The following DMTF1 variants were observed in gnomAD, a reference collection of about 807,000 sequenced individuals.
DMTF1 encodes cyclin-D-binding Myb-like transcription factor 1.
In DMTF1, 39 loss-of-function variants were observed where a neutral mutation model predicts 91.1. The ratio of observed to expected loss-of-function variants is 0.43; its 90% confidence interval spans 0.33 to 0.56. The LOEUF is 0.56. Ranked by LOEUF, DMTF1 falls within the 20% of genes least tolerant of loss-of-function variation. The pLI, the probability that DMTF1 is intolerant of heterozygous loss-of-function variation, is 0.05. For synonymous variants in DMTF1, 338 were observed against 309.5 expected (o/e 1.09, Z -0.97); for missense variants, 750 against 914.5 (o/e 0.82, Z 2.32).
intron 14 of DMTF1, 87 bp from the exon 15 acceptor site, chr7:87,193,110 AT>A (rs1800267264): frequency 7.1e-7 from 1 of 1,401,230 alleles, no homozygotes; most frequent in South Asian, 1.2e-5. Context: ...GGGTAAGTAC[AT>A]TTGTGTCTAG....
In DMTF1 at chr7:87,194,495, A is replaced by C. The variant is rs1584491709; in HGVS notation, c.2029-189A>C. ...ACCTATAACTGACCTAGTCCTTATG[A>C]GTTCCTTTTGTTAAAAGTATGTTAG... On this transcript the variant is annotated intron_variant, in intron 16 of 17. Transcript: ENST00000331242. The C allele has an allele frequency of 3.5e-5, 17 of 491,226 alleles. No individual in the cohort carries two copies. In the East Asian group the frequency reaches 5.1e-4, roughly 15 times the overall value. The allele number at this position is 491,226 out of a possible 1,614,324, so 30.4% of individuals were successfully genotyped here.
Position 87,196,174 on chromosome 7 carries a change from TTTTA to T in DMTF1, c.*1041_*1044del, listed in dbSNP as rs762912347. 6.5e-6 allele frequency: 1 copy of T among 153,390 alleles called. No homozygotes were observed. Among genetic ancestry groups the T allele is most frequent in the Admixed American group, 6.6e-5 (1 of 15,250 alleles). 9.5% of individuals were successfully genotyped at this position (153,390 alleles called of 1,614,324 possible). On this transcript the variant is annotated 3_prime_UTR_variant, in exon 18 of 18. Transcript: ENST00000331242. ...GAAAAAAAAACCCTTGTATAAATTA[TTTTA>T]TTTATTATTGTAATTAGATCTTCAC... is the stretch of plus-strand genomic sequence containing the variant.
intron 6 of DMTF1, 66 bp downstream of exon 6, chr7:87,173,715 A>G (rs1795627445): frequency 3.1e-6 from 3 of 953,452 alleles, no homozygotes; most frequent in Non-Finnish European, 4.7e-6. Flanking sequence ...GCTTATAGTC[A>G]TCAGGATTCT....
chr7:87,160,055 C>T (rs1358263430), intron 1 of DMTF1, among the ~76,000 whole-genome samples: 3 of 152,012 alleles, frequency 2.0e-5, no homozygotes, highest in South Asian at 2.1e-4. Flanking sequence ...AGTTGTTAAC[C>T]ATAGGTTCAT....
chr7:87,173,699 G>T, intron 6 of DMTF1, 50 bp downstream of exon 6: 1 of 1,234,992 alleles, frequency 8.1e-7, no homozygotes, highest in Non-Finnish European at 1.2e-6. Flanking sequence ...AATGGAGATA[G>T]AAAGGGCTTA....
At chr7:87,159,784 C>G (rs893412065) in intron 1 of DMTF1, among the ~76,000 whole-genome samples, 3 of 152,172 alleles carry the variant, frequency 2.0e-5, no homozygotes, top group Non-Finnish European at 4.4e-5. Flanking sequence ...CAGACCTGTA[C>G]AGCGTGTTAC....
chr7:87,182,309 C>T lies in DMTF1; in HGVS notation c.792C>T (p.Cys264=). The change falls in exon 10 of 18, where the codon TGC becomes TGT. Residue 264 remains cysteine (C), a synonymous_variant. Coordinates refer to ENST00000331242, the MANE Select transcript of DMTF1 (RefSeq NM_001142327.2). The part of the protein sequence containing the change: ...GRSASSVKDR[C]RLMKDTCNTG... ...GTGCATCTTCTGTCAAAGATCGGTG[C>T]CGACTGATGAAGGATACTTGCAACA... 1 of 1,614,066 alleles carries T rather than the reference C, an allele frequency of 6.2e-7. No individual in the cohort carries two copies. Among genetic ancestry groups the T allele is most frequent in the South Asian group, 1.1e-5 (1 of 91,078 alleles).
chr7:87,177,821 A>G (rs1216077781), intron 7 of DMTF1, among the ~76,000 whole-genome samples: 1 of 152,098 alleles, frequency 6.6e-6, no homozygotes, highest in Non-Finnish European at 1.5e-5. Context: ...ATTCTGTTCT[A>G]AATCAAGCTG....
At chr7:87,158,967 A>G (rs1791504754) in intron 1 of DMTF1, among the ~76,000 whole-genome samples, 1 of 151,834 alleles carries the variant, frequency 6.6e-6, no homozygotes, top group Admixed American at 6.5e-5. Flanking sequence ...TTAAAAAACT[A>G]TTATTTGTTA....
chr7:87,167,348 A>G (rs1281453764), intron 4 of DMTF1, among the ~76,000 whole-genome samples: 2 of 152,216 alleles, frequency 1.3e-5, no homozygotes, highest in Non-Finnish European at 1.5e-5. Flanking sequence ...ACCAACTGCA[A>G]CATTAGGTTG....
chr7:87,157,921 G>C (rs1791195736), intron 1 of DMTF1, among the ~76,000 whole-genome samples: 1 of 151,432 alleles, frequency 6.6e-6, no homozygotes, highest in South Asian at 2.1e-4. Flanking sequence ...TTGTATAATT[G>C]TTTTGTTTGG....
chr7:87,164,227 A>G (rs1275459585), intron 2 of DMTF1: 1 of 152,198 alleles, frequency 6.6e-6, no homozygotes, highest in African/African-American at 2.4e-5. Context: ...GCTATTGATT[A>G]TAGTTTCATA....
rs1290169797 is a variant in DMTF1, at chr7:87,157,699, T to TA, written c.-132+5145dup. ...TGTGTTAAATAACAGATCCAAGAGT[T>TA]ATTTCTTTATGCTTATCCCTTTTCG... On this transcript the variant is annotated intron_variant, in intron 1 of 17. Coordinates refer to ENST00000331242, the MANE Select transcript of DMTF1 (RefSeq NM_001142327.2). Among the ~76,000 whole-genome samples the TA allele has an allele frequency of 2.6e-5, 4 of 152,230 alleles. No homozygotes were observed. The South Asian group carries it at 8.3e-4, about 32-fold the overall frequency.
Position 87,164,925 on chromosome 7 carries a change from C to G in DMTF1, c.-8-9C>G. On this transcript the variant is annotated splice_polypyrimidine_tract_variant and intron_variant, in intron 2 of 17. Coordinates refer to ENST00000331242, the MANE Select transcript of DMTF1 (RefSeq NM_001142327.2). ...TTGAAATCCTGATCTGGAATCTGTT[C>G]TTGTACAGATTTGAGTATGAGCACA... 1 of 1,551,892 alleles carries G rather than the reference C, an allele frequency of 6.4e-7. No homozygotes were observed. The highest frequency in any genetic ancestry group is 2.3e-5 in the East Asian group (1 of 43,618).
intron 1 of DMTF1, chr7:87,155,321 AGGT>A (rs1009034490): frequency 6.6e-6 from 1 of 152,182 alleles, no homozygotes; most frequent in Non-Finnish European, 1.5e-5. Context: ...TTTAACACTG[AGGT>A]GGTGTTCTGC....
At chr7:87,187,117 C>A (rs1429099657) in intron 12 of DMTF1, 1 of 152,122 alleles carries the variant, frequency 6.6e-6, no homozygotes, top group Non-Finnish European at 1.5e-5. Context: ...CTTAGTTGTA[C>A]AGTCTGTTTA....
chr7:87,157,334 C>T (rs1358546758), intron 1 of DMTF1, among the ~76,000 whole-genome samples: 1 of 152,070 alleles, frequency 6.6e-6, no homozygotes, highest in African/African-American at 2.4e-5. Context: ...ATTTTAGAAT[C>T]ACAGCTCCAA....
chr7:87,159,685 T>C (rs951541923), intron 1 of DMTF1, among the ~76,000 whole-genome samples: 7 of 152,202 alleles, frequency 4.6e-5, no homozygotes, highest in Non-Finnish European at 1.0e-4. Context: ...GAAGGAAAAT[T>C]GAGCTGATGT....
intron 1 of DMTF1, among the ~76,000 whole-genome samples, chr7:87,154,028 G>T (rs1790030219): frequency 6.6e-6 from 1 of 152,176 alleles, no homozygotes; most frequent in South Asian, 2.1e-4. Context: ...TTTAAAGAAT[G>T]ACTATGGCGA....
Sources: gnomAD v4.1 joint callset for allele counts (sites outside exome capture counted in the v4.1 genomes callset) on GRCh38, gnomAD v4.1.1 for gene constraint, MANE v1.5 for transcripts, NCBI Gene and HGNC (gene_info 2026-07-23, HGNC 2026-07-21) for gene names.